EPN3: variants seen among roughly 807,000 people sequenced by gnomAD.
The protein encoded by EPN3 is epsin-3.
Under a neutral mutation model 55.5 loss-of-function variants are expected in EPN3, and 56 were observed. The ratio of observed to expected loss-of-function variants is 1.01; its 90% CI spans 0.81 to 1.26. The LOEUF (loss-of-function observed/expected upper bound fraction) is 1.26, where lower values mean the gene tolerates loss of function less well. EPN3 is among the 50% of genes most tolerant of loss of function. The pLI, the probability that EPN3 is intolerant of heterozygous loss-of-function variation, is 0.00. For missense variants in EPN3, 927 were observed against 853.4 expected, an observed-to-expected ratio of 1.09 and a Z score of -1.07; for synonymous variants, 449 against 375.2, an observed-to-expected ratio of 1.20 and a Z score of -2.27.
chr17:50,537,199 A>G, intron 2 of EPN3, 81 bp downstream of exon 2: 2 of 1,352,256 alleles, frequency 1.5e-6, no homozygotes, highest in Non-Finnish European at 2.0e-6. Flanking sequence ...GCCATGGTTC[A>G]TAATACCTAC....
chr17:50,539,861 G>A (rs548211579), intron 5 of EPN3, among the ~76,000 whole-genome samples: 1 of 152,314 alleles, frequency 6.6e-6, no homozygotes, highest in East Asian at 1.9e-4. Context: ...CTTGGACACT[G>A]ACCTAGGGAG....
chr17:50,533,378 G>C (rs1014028502), intron 1 of EPN3, among the ~76,000 whole-genome samples: 1 of 152,136 alleles, frequency 6.6e-6, no homozygotes, highest in Admixed American at 6.5e-5. Context: ...GAAGCTTAGA[G>C]TTCAAGCTCA....
intron 4 of EPN3, 56 bp downstream of exon 4, chr17:50,539,020 C>G: frequency 6.5e-7 from 1 of 1,548,160 alleles, no homozygotes; most frequent in Non-Finnish European, 8.8e-7. Context: ...GGTGGAGGTG[C>G]TTCAGGGCAC....
chr17:50,534,728 A>C, intron 1 of EPN3: 10 of 864,550 alleles, frequency 1.2e-5, no homozygotes, highest in Non-Finnish European at 1.4e-5. Context: ...CCCCCAACAA[A>C]ACCTGCCAAG....
Position 50,536,601 on chromosome 17 carries a change from C to A in EPN3, c.45C>A (p.His15Gln). ...GGCGCCAGGTGAAGAACATCGTGCACAACTACTCCGAGGCAGAAATCAAGG... is the reference window on the plus strand; with the variant it reads ...GGCGCCAGGTGAAGAACATCGTGCAAAACTACTCCGAGGCAGAAATCAAGG... ...ALRRQVKNIV[H>Q]NYSEAEIKVR... The change falls in exon 2 of 10, where the codon CAC becomes CAA. Residue 15 changes from histidine to glutamine, a missense_variant. Coordinates refer to ENST00000268933, the MANE Select transcript of EPN3 (RefSeq NM_017957.3). 1.2e-6 allele frequency: 2 copies of A among 1,614,084 alleles called. No homozygotes were observed. Among genetic ancestry groups the A allele is most frequent in the Non-Finnish European group, 8.5e-7 (1 of 1,180,028 alleles).
At chr17:50,534,884 G>C (rs1242123295) in intron 1 of EPN3, among the ~76,000 whole-genome samples, 1 of 152,218 alleles carries the variant, frequency 6.6e-6, no homozygotes. Flanking sequence ...GGCACGGGCT[G>C]GGATGGAGGG....
intron 1 of EPN3, among the ~76,000 whole-genome samples, chr17:50,535,782 A>C (rs2034750803): frequency 6.6e-6 from 1 of 152,214 alleles, no homozygotes; most frequent in Admixed American, 6.5e-5. Flanking sequence ...TAGGTGTTGA[A>C]TGCATCAAAC....
Position 50,542,428 on chromosome 17 carries a change from T to A in EPN3, c.*271T>A. The A allele has an allele frequency of 5.0e-6, 2 of 403,656 alleles. No homozygotes were observed. Among genetic ancestry groups the A allele is most frequent in the East Asian group, 9.1e-5 (2 of 21,912 alleles). The allele number at this position is 403,656 out of a possible 1,614,324, so 25.0% of individuals were successfully genotyped here. On this transcript the variant is annotated 3_prime_UTR_variant, in exon 10 of 10. Coordinates refer to ENST00000268933, the MANE Select transcript of EPN3 (RefSeq NM_017957.3). Reference sequence around the variant, plus strand: ...GGCCGGGTCTCGACCACAGCGTGGATCACCGGCTGTTTAGGAAACTGCAGC... The same window carrying A: ...GGCCGGGTCTCGACCACAGCGTGGAACACCGGCTGTTTAGGAAACTGCAGC...
Position 50,543,088 on chromosome 17 carries a change from G to T in EPN3, c.*931G>T, listed in dbSNP as rs1486926999. The T allele has an allele frequency of 6.6e-6, 1 of 152,376 alleles. No individual in the cohort carries two copies. Among genetic ancestry groups the T allele is most frequent in the African/African-American group, 2.4e-5 (1 of 41,580 alleles). 9.4% of individuals were successfully genotyped at this position (152,376 alleles called of 1,614,324 possible). A position where few individuals can be genotyped will look rare whatever the true frequency, so the allele number is the denominator to read the frequency against. ...ATATTGACTGACTGCTGTGGACAAAGTGCTGGGCTCACCTTGGAGGGATCC... is the reference window on the plus strand; with the variant it reads ...ATATTGACTGACTGCTGTGGACAAATTGCTGGGCTCACCTTGGAGGGATCC... On this transcript the variant is annotated 3_prime_UTR_variant, in exon 10 of 10. Coordinates refer to ENST00000268933, the MANE Select transcript of EPN3 (RefSeq NM_017957.3).
intron 4 of EPN3, 49 bp downstream of exon 4, chr17:50,539,013 G>A: frequency 6.4e-7 from 1 of 1,558,162 alleles, no homozygotes; most frequent in Non-Finnish European, 8.7e-7. Context: ...TGCTGCTGGT[G>A]GAGGTGCTTC....
chr17:50,537,027 G>C lies in EPN3; in HGVS notation c.471G>C (p.Glu157Asp), dbSNP rs750829727. The C allele has an allele frequency of 6.2e-7, 1 of 1,613,038 alleles. No individual in the cohort carries two copies. The highest frequency in any genetic ancestry group is 8.5e-7 in the Non-Finnish European group (1 of 1,179,948). Reference sequence around the variant, plus strand: ...AGACCAAGGAGCGCATGGCACTGGAGGGCATCGGCATTGGCAGTGGGCAGC... The same window carrying C: ...AGACCAAGGAGCGCATGGCACTGGACGGCATCGGCATTGGCAGTGGGCAGC... ...ALKTKERMALEGIGIGSGQLG... is the reference protein window; with the variant it reads ...ALKTKERMALDGIGIGSGQLG... The change falls in exon 2 of 10, where the codon GAG becomes GAC. Residue 157 changes from glutamate to aspartate, a missense_variant. Transcript: ENST00000268933.
intron 1 of EPN3, among the ~76,000 whole-genome samples, chr17:50,533,563 C>T (rs1316905467): frequency 6.6e-6 from 1 of 152,176 alleles, no homozygotes; most frequent in Non-Finnish European, 1.5e-5. Flanking sequence ...CTGGACAGAT[C>T]TGGGTTCTCT....
chr17:50,538,926 C>T lies in EPN3; in HGVS notation c.724C>T (p.Gln242Ter). The T allele has an allele frequency of 1.3e-5, 21 of 1,608,492 alleles. No individual in the cohort carries two copies. The highest frequency in any genetic ancestry group is 1.8e-5 in the Non-Finnish European group (21 of 1,176,402). ...ASHRDEDLQL[Q>*]LALRLSRQEH... Reference sequence around the variant, plus strand: ...CCACAGGGACGAGGACCTGCAGCTGCAGCTGGCTCTGCGCCTGAGCCGGCA... The same window carrying T: ...CCACAGGGACGAGGACCTGCAGCTGTAGCTGGCTCTGCGCCTGAGCCGGCA... The change falls in exon 4 of 10, where the codon CAG becomes TAG. Residue 242 changes from glutamine to a stop codon, truncating the protein, a stop_gained. Transcript: ENST00000268933. LOFTEE classifies it high-confidence loss of function.
chr17:50,537,868 T>G (rs535987548), intron 2 of EPN3: 1 of 505,894 alleles, frequency 2.0e-6, no homozygotes, highest in East Asian at 3.3e-5. Context: ...CCTGTGCATC[T>G]GCTAAGGAGG....
intron 2 of EPN3, 77 bp downstream of exon 2, chr17:50,537,195 G>A: frequency 7.2e-7 from 1 of 1,381,580 alleles, no homozygotes; most frequent in Non-Finnish European, 9.7e-7. Context: ...CCAAGCCATG[G>A]TTCATAATAC....
At position 50,542,013 on chromosome 17, in the gene EPN3, C is replaced by A. The variant is rs778941523; in HGVS notation, c.1755C>A (p.Ser585Arg). ...YSASLPLPLS[S>R]VPAGLTLPAS... The stretch of plus-strand genomic sequence containing the variant: ...CCTCTCTGCCCCTCCCGCTCAGCAG[C>A]GTGCCAGCTGGCTTGACCCTCCCCG... The change falls in exon 10 of 10, where the codon AGC becomes AGA. Residue 585 changes from serine (S) to arginine (R), a missense_variant. Physicochemically the swap from Ser to Arg is moderately radical, Grantham distance 110. Coordinates refer to ENST00000268933, the MANE Select transcript of EPN3 (RefSeq NM_017957.3). 1.3e-6 allele frequency: 2 copies of A among 1,597,938 alleles called. No individual in the cohort carries two copies. The highest frequency in any genetic ancestry group is 2.2e-5 in the South Asian group (2 of 90,814).
chr17:50,542,206 G>A lies in EPN3; in HGVS notation c.*49G>A. The A allele has an allele frequency of 7.1e-7, 1 of 1,414,478 alleles. No individual in the cohort carries two copies. Among genetic ancestry groups the A allele is most frequent in the East Asian group, 3.1e-5 (1 of 32,506 alleles). 87.6% of individuals were successfully genotyped at this position (1,414,478 alleles called of 1,614,324 possible). Reference sequence around the variant, plus strand: ...CTGCGCCTGCGCCGGACGCTCCGCGGCCCCGCCTCCGGACCCGGGGCTGGG... The same window carrying A: ...CTGCGCCTGCGCCGGACGCTCCGCGACCCCGCCTCCGGACCCGGGGCTGGG... On this transcript the variant is annotated 3_prime_UTR_variant, in exon 10 of 10. Transcript: ENST00000268933.
chr17:50,541,203 T>C (rs529014745), intron 7 of EPN3, 26 bp from the exon 8 acceptor site: 1 of 1,612,996 alleles, frequency 6.2e-7, no homozygotes, highest in South Asian at 1.1e-5. Context: ...TGTCAACCCA[T>C]CTCCTCTTCC....
chr17:50,534,292 T>G, intron 1 of EPN3: 70 of 485,346 alleles, frequency 1.4e-4, no homozygotes, highest in South Asian at 1.7e-4. Context: ...CCACCTTCTG[T>G]GAGAAAGGTC....
Sources: gnomAD v4.1 joint callset for allele counts (sites outside exome capture counted in the v4.1 genomes callset) on GRCh38, gnomAD v4.1.1 for gene constraint, MANE v1.5 for transcripts, NCBI Gene and HGNC (gene_info 2026-07-23, HGNC 2026-07-21) for gene names.